The following CACNA1E variants were observed in gnomAD, a reference collection of about 807,000 sequenced individuals.
CACNA1E encodes calcium voltage-gated channel subunit alpha1 E.
A neutral mutation model predicts 259.2 loss-of-function variants in CACNA1E; 40 were observed. The ratio of observed to expected loss-of-function variants is 0.15; its 90% CI spans 0.12 to 0.20. The LOEUF is 0.20. Among genes scored for constraint, CACNA1E ranks in the 10% least tolerant of loss-of-function variants. The probability of loss-of-function intolerance (pLI) is 1.00; values close to 1 mark genes in which losing one functional copy is unlikely to be tolerated. For missense variants in CACNA1E, 1,874 were observed against 3,040.1 expected (o/e 0.62, Z 9.02); for synonymous variants, 1,104 against 1,138.5 (o/e 0.97, Z 0.61).
Position 181,384,392 on chromosome 1 carries a change from C to G in CACNA1E, c.-14-28741C>G, listed in dbSNP as rs1655686202. ...ATTCTTAGAAGGAAAATCTACTCTT[C>G]TTTTGCCTCTCTTGAGCTCCCAATC... is the stretch of plus-strand genomic sequence containing the variant. On this transcript the variant is annotated intron_variant, in intron 1 of 11. Coordinates refer to the CACNA1E transcript ENST00000524607. Among the ~76,000 whole-genome samples the G allele has an allele frequency of 2.0e-5, 3 of 152,298 alleles. No homozygotes were observed. The South Asian group carries it at 6.2e-4, about 32-fold the overall frequency.
At chr1:181,772,599 T>G (rs565020620) in intron 37 of CACNA1E, among the ~76,000 whole-genome samples, 27 of 152,340 alleles carry the variant, frequency 1.8e-4, no homozygotes, top group African/African-American at 6.0e-4. Flanking sequence ...TTGTCATACC[T>G]CAGGTATTTT....
chr1:181,576,952 C>T (rs976524987), intron 3 of CACNA1E, among the ~76,000 whole-genome samples: 4 of 152,154 alleles, frequency 2.6e-5, no homozygotes, highest in African/African-American at 4.8e-5. Flanking sequence ...TGAGTTACCC[C>T]ATTCTCAACA....
rs1402084868 is a variant in CACNA1E at position 181,799,938 on chromosome 1, A to G, written c.*1104A>G. 3.3e-5 allele frequency: 5 copies of G among 152,422 alleles called. No homozygotes were observed. Among genetic ancestry groups the G allele is most frequent in the Non-Finnish European group, 7.3e-5 (5 of 68,198 alleles). The allele number at this position is 152,422 out of a possible 1,614,324, so 9.4% of individuals were successfully genotyped here. A position where few individuals can be genotyped will look rare whatever the true frequency, so the allele number is the denominator to read the frequency against. On this transcript the variant is annotated 3_prime_UTR_variant, in exon 48 of 48. Transcript: ENST00000367573. ...GAGGCAGCAAGGCCAGTGCTGTGCC[A>G]AGCCCGGTAAGGCCAAGTGCCGAGG... is the stretch of plus-strand genomic sequence containing the variant.
At chr1:181,443,002 A>AAAGC (rs1455116115) in intron 2 of CACNA1E, among the ~76,000 whole-genome samples, 1 of 152,214 alleles carries the variant, frequency 6.6e-6, no homozygotes, top group African/African-American at 2.4e-5. Context: ...AAGGAGAAGA[A>AAAGC]AAGCCCAAAT....
intron 43 of CACNA1E, among the ~76,000 whole-genome samples, chr1:181,788,593 C>T (rs1332757260): frequency 6.6e-6 from 1 of 152,050 alleles, no homozygotes; most frequent in South Asian, 2.1e-4. Flanking sequence ...ACAAGCCTAG[C>T]CTATCCAATG....
At chr1:181,396,166 TC>T (rs1195107766) in intron 1 of CACNA1E, among the ~76,000 whole-genome samples, 7 of 152,086 alleles carry the variant, frequency 4.6e-5, no homozygotes, top group Non-Finnish European at 2.9e-5. Context: ...GCATCTGGCT[TC>T]CCCCACAGCA....
intron 1 of CACNA1E, among the ~76,000 whole-genome samples, chr1:181,372,611 A>T (rs1371476121): frequency 6.6e-6 from 1 of 151,870 alleles, no homozygotes; most frequent in African/African-American, 2.4e-5. Flanking sequence ...CCCGATTGCT[A>T]TGGCTAGGAT....
At chr1:181,772,342 C>A in intron 37 of CACNA1E, 111 bp downstream of exon 37, 1 of 1,070,078 alleles carries the variant, frequency 9.3e-7, no homozygotes, top group Non-Finnish European at 1.4e-6. Context: ...TGCCTCCCTC[C>A]CCTCCTCTCT....
intron 1 of CACNA1E, among the ~76,000 whole-genome samples, chr1:181,333,081 A>T (rs1341059843): frequency 6.6e-6 from 1 of 152,034 alleles, no homozygotes; most frequent in Non-Finnish European, 1.5e-5. Flanking sequence ...CTCTCTGAGG[A>T]TGCTACCTAC....
intron 36 of CACNA1E, 103 bp downstream of exon 36, chr1:181,771,487 C>G (rs1263310213): frequency 1.4e-6 from 1 of 696,342 alleles, no homozygotes; most frequent in Non-Finnish European, 2.6e-6. Flanking sequence ...TATTCCACTT[C>G]CTTTGCTCCT....
intron 21 of CACNA1E, among the ~76,000 whole-genome samples, chr1:181,735,704 G>A (rs1655974103): frequency 6.6e-6 from 1 of 152,230 alleles, no homozygotes; most frequent in African/African-American, 2.4e-5. Context: ...CAGAAAGCCT[G>A]CTGCAAACAG....
chr1:181,341,277 A>T (rs1183291734), intron 1 of CACNA1E, among the ~76,000 whole-genome samples: 1 of 152,186 alleles, frequency 6.6e-6, no homozygotes, highest in Admixed American at 6.5e-5. Context: ...CCCGGCTGGA[A>T]GATACTGAGG....
chr1:181,325,550 G>A (rs1475023756), intron 1 of CACNA1E, among the ~76,000 whole-genome samples: 1 of 152,246 alleles, frequency 6.6e-6, no homozygotes, highest in Non-Finnish European at 1.5e-5. Flanking sequence ...AAGCCCTCCA[G>A]GGGAGTCTCA....
At chr1:181,487,533 G>A (rs1458858209) in intron 1 of CACNA1E, among the ~76,000 whole-genome samples, 1 of 152,186 alleles carries the variant, frequency 6.6e-6, no homozygotes, top group Non-Finnish European at 1.5e-5. Context: ...CCTCTGCAGT[G>A]GATACCATAC....
At position 181,485,670 on chromosome 1, in the gene CACNA1E, G is replaced by T. The variant is rs372813063; in HGVS notation, c.266+1660G>T. Among the ~76,000 whole-genome samples the T allele has an allele frequency of 6.6e-6, 1 of 152,224 alleles. No homozygotes were observed. Among genetic ancestry groups the T allele is most frequent in the East Asian group, 1.9e-4 (1 of 5,200 alleles). On this transcript the variant is annotated intron_variant, in intron 1 of 47. Transcript: ENST00000367573. The surrounding 1 kb of genome is among the most constrained non-coding windows in gnomAD (Gnocchi z 4.2). ...GCCGGTGCGCTGCACAAAGCGGACA[G>T]ATCTCATTGTGTTGTGTGCTGCGGC...
intron 6 of CACNA1E, among the ~76,000 whole-genome samples, chr1:181,629,936 C>G (rs1656554600): frequency 6.6e-6 from 1 of 151,914 alleles, no homozygotes; most frequent in East Asian, 1.9e-4. Flanking sequence ...GATCTAGGTG[C>G]TTGTCCTGGA....
chr1:181,465,928 G>A (rs1026937436), intron 2 of CACNA1E, among the ~76,000 whole-genome samples: 4 of 152,134 alleles, frequency 2.6e-5, no homozygotes, highest in Non-Finnish European at 4.4e-5. Flanking sequence ...GAGTAGTTTT[G>A]TTTGGTTTTC....
At chr1:181,688,632 C>G (rs968870075) in intron 7 of CACNA1E, among the ~76,000 whole-genome samples, 1 of 152,186 alleles carries the variant, frequency 6.6e-6, no homozygotes, top group African/African-American at 2.4e-5. Context: ...TCTATCACCT[C>G]AAATACTTAT....
intron 2 of CACNA1E, among the ~76,000 whole-genome samples, chr1:181,413,892 T>C (rs992328599): frequency 2.0e-5 from 3 of 152,226 alleles, no homozygotes; most frequent in Non-Finnish European, 4.4e-5. Context: ...TCTGTTTCAT[T>C]CTCTGAGCTT....
Sources: gnomAD v4.1 joint callset for allele counts (sites outside exome capture counted in the v4.1 genomes callset) on GRCh38, gnomAD v4.1.1 for gene constraint, Gnocchi (gnomAD v3.1) non-coding constraint, MANE v1.5 for transcripts, NCBI Gene and HGNC (gene_info 2026-07-23, HGNC 2026-07-21) for gene names.